Variants in SLC26A7 observed in about 807,000 individuals in gnomAD.
SLC26A7 encodes the protein anion exchange transporter.
A neutral mutation model predicts 82.5 loss-of-function variants in SLC26A7; 59 were observed. The ratio of observed to expected loss-of-function variants is 0.72; its 90% CI spans 0.58 to 0.89. The LOEUF is 0.89. SLC26A7 is among the 40% of genes least tolerant of loss of function. The pLI is 0.00. For missense variants in SLC26A7, 820 were observed against 793.0 expected, an observed-to-expected ratio of 1.03 and a Z score of -0.41; for synonymous variants, 271 against 274.3, an observed-to-expected ratio of 0.99 and a Z score of 0.12.
At chr8:91,234,930 C>CT (rs960859667) in intron 2 of SLC26A7, among the ~76,000 whole-genome samples, 1 of 135,004 alleles carries the variant, frequency 7.4e-6, no homozygotes, top group Non-Finnish European at 1.6e-5. Context: ...CTTTCTTTTT[C>CT]TTTTTTTGAG....
chr8:91,379,865 G>A (rs1814620430), intron 15 of SLC26A7, among the ~76,000 whole-genome samples: 1 of 151,906 alleles, frequency 6.6e-6, no homozygotes, highest in African/African-American at 2.4e-5. Context: ...GAAAAAATAA[G>A]TCAGAGTGGA....
rs189957601 is a variant in SLC26A7 at position 91,382,858 on chromosome 8, G to A, written c.1676-6480G>A. 6.2e-4 allele frequency among the ~76,000 whole-genome samples: 95 copies of A among 152,190 alleles called. 1 individual carries two copies. The highest frequency in any genetic ancestry group is 2.1e-3 in the African/African-American group (86 of 41,530). ...TAACTAAAATAGGTAATAGGCAAAC[G>A]CTCTACTCTTCATTTTAAAATAATT... On this transcript the variant is annotated intron_variant, in intron 15 of 18. Transcript: ENST00000276609.
intron 2 of SLC26A7, among the ~76,000 whole-genome samples, chr8:91,231,266 A>G (rs781356760): frequency 1.5e-4 from 23 of 152,238 alleles, no homozygotes; most frequent in Non-Finnish European, 2.5e-4. Flanking sequence ...TTATATCCTT[A>G]TATCATCAGA....
intron 16 of SLC26A7, among the ~76,000 whole-genome samples, chr8:91,390,247 G>T: frequency 6.6e-6 from 1 of 151,872 alleles, no homozygotes; most frequent in East Asian, 1.9e-4. Context: ...CTCCCGAGTA[G>T]CTGGGACTAC....
rs536171197 is a variant in SLC26A7 at position 91,301,949 on chromosome 8, A to G, written c.477+6246A>G. On this transcript the variant is annotated intron_variant, in intron 4 of 18. Coordinates refer to ENST00000276609, the MANE Select transcript of SLC26A7 (RefSeq NM_052832.4). Reference sequence around the variant, plus strand: ...TAAAAATTCTGTGATTTCAGTTTGTATTTCCTCCTTTACCCAAAGATTAAG... The same window carrying G: ...TAAAAATTCTGTGATTTCAGTTTGTGTTTCCTCCTTTACCCAAAGATTAAG... 5.9e-5 allele frequency among the ~76,000 whole-genome samples: 9 copies of G among 151,850 alleles called. No homozygotes were observed. In the South Asian group the frequency reaches 1.0e-3, roughly 18 times the overall value.
chr8:91,383,668 T>C (rs964895656), intron 15 of SLC26A7, among the ~76,000 whole-genome samples: 3 of 152,182 alleles, frequency 2.0e-5, no homozygotes, highest in Non-Finnish European at 2.9e-5. Flanking sequence ...TTACCACTTT[T>C]AGTAGTTTGA....
intron 5 of SLC26A7, among the ~76,000 whole-genome samples, chr8:91,324,915 C>G (rs1563679899): frequency 6.6e-6 from 1 of 152,116 alleles, no homozygotes; most frequent in African/African-American, 2.4e-5. Flanking sequence ...GAAGAAAGAG[C>G]AGCAAATGCT....
chr8:91,329,822 G>A (rs895289273), intron 5 of SLC26A7, among the ~76,000 whole-genome samples: 1 of 151,896 alleles, frequency 6.6e-6, no homozygotes, highest in African/African-American at 2.4e-5. Context: ...ATTTTACATC[G>A]TCTCTATCCC....
At chr8:91,285,631 C>G (rs1259944425) in intron 2 of SLC26A7, among the ~76,000 whole-genome samples, 1 of 152,194 alleles carries the variant, frequency 6.6e-6, no homozygotes, top group African/African-American at 2.4e-5. Context: ...ATTTCTGGGG[C>G]AGTAAATTCT....
intron 2 of SLC26A7, among the ~76,000 whole-genome samples, chr8:91,255,352 G>C (rs1360086875): frequency 6.6e-6 from 1 of 152,108 alleles, no homozygotes; most frequent in African/African-American, 2.4e-5. Context: ...TTGCACTCCT[G>C]AGGGCAGCTT....
chr8:91,262,849 A>C (rs1811006368), intron 2 of SLC26A7, among the ~76,000 whole-genome samples: 1 of 152,086 alleles, frequency 6.6e-6, no homozygotes, highest in Non-Finnish European at 1.5e-5. Flanking sequence ...TGTTGAATAA[A>C]GTGCTTAATT....
At position 91,218,781 on chromosome 8, in the gene SLC26A7, C is replaced by G. The variant is rs984294176; in HGVS notation, c.-149-109C>G. The G allele has an allele frequency of 6.4e-6, 4 of 628,458 alleles. 1 individual carries two copies. Among genetic ancestry groups the G allele is most frequent in the Admixed American group, 3.2e-5 (1 of 31,576 alleles). 38.9% of individuals were successfully genotyped at this position (628,458 alleles called of 1,614,324 possible). A position where few individuals can be genotyped will look rare whatever the true frequency, so the allele number is the denominator to read the frequency against. ...CAAATCAAGCATAAATAGAATAGTG[C>G]GTCTTTAGAAGTCAATGTTCTGAAA... is the stretch of plus-strand genomic sequence containing the variant. On this transcript the variant is annotated intron_variant, in intron 1 of 5. Transcript: ENST00000522862.
chr8:91,342,378 A>AT (rs1813445306), intron 8 of SLC26A7, among the ~76,000 whole-genome samples: 1 of 152,120 alleles, frequency 6.6e-6, no homozygotes, highest in South Asian at 2.1e-4. Flanking sequence ...CCACAGCTCT[A>AT]TGGGGCAGGG....
rs370045470 is a variant in SLC26A7 at position 91,393,958 on chromosome 8, G to A, written c.1854G>A (p.Thr618=). 39 of 1,613,596 alleles carry A rather than the reference G, an allele frequency of 2.4e-5. No homozygotes were observed. The highest frequency in any genetic ancestry group is 5.3e-5 in the African/African-American group (4 of 74,994). Residue 618 remains threonine (T), a synonymous_variant, in exon 18 of 19, where the codon ACG becomes ACA. Coordinates refer to ENST00000276609, the MANE Select transcript of SLC26A7 (RefSeq NM_052832.4). ...HCTASLIKAM[T]YYGNLDSEKP... ...AAGCTTCCTTGATAAAAGCAATGAC[G>A]TATTATGGAAACCTAGACTCAGAGA...
At chr8:91,294,335 A>C (rs989195595) in intron 3 of SLC26A7, among the ~76,000 whole-genome samples, 6 of 152,190 alleles carry the variant, frequency 3.9e-5, no homozygotes, top group Non-Finnish European at 7.4e-5. Context: ...TTGAGGTGAC[A>C]GTTCTGGGAT....
At chr8:91,357,051 T>G (rs1303612054) in intron 11 of SLC26A7, among the ~76,000 whole-genome samples, 1 of 152,154 alleles carries the variant, frequency 6.6e-6, no homozygotes. Flanking sequence ...TACCTTTACT[T>G]AGGAGGTCAG....
intron 1 of SLC26A7, among the ~76,000 whole-genome samples, chr8:91,216,163 C>G (rs562683299): frequency 2.6e-5 from 4 of 152,028 alleles, no homozygotes; most frequent in African/African-American, 9.7e-5. Context: ...AAACTAACAA[C>G]GGGCATTTAA....
chr8:91,224,100 G>C (rs144041199), intron 2 of SLC26A7, among the ~76,000 whole-genome samples: 86 of 151,804 alleles, frequency 5.7e-4, no homozygotes, highest in Non-Finnish European at 1.0e-3. Context: ...AAGGTTCTTA[G>C]CTTCTTTGCA....
At chr8:91,315,163 G>A (rs1812593313) in intron 4 of SLC26A7, among the ~76,000 whole-genome samples, 1 of 152,164 alleles carries the variant, frequency 6.6e-6, no homozygotes, top group Non-Finnish European at 1.5e-5. Context: ...GCATACTGAT[G>A]CAAACTTTCC....
Sources: allele counts gnomAD v4.1 joint callset (sites outside exome capture counted in the v4.1 genomes callset), GRCh38; gene constraint gnomAD v4.1.1; transcripts MANE v1.5; gene names NCBI Gene and HGNC (gene_info 2026-07-23, HGNC 2026-07-21).